The following DCDC1 variants were observed in gnomAD, a reference collection of about 807,000 sequenced individuals.
The protein encoded by DCDC1 is doublecortin domain-containing protein 1.
In DCDC1, 200 loss-of-function variants were observed where a neutral mutation model predicts 178.3. The ratio of observed to expected loss-of-function variants is 1.12; its 90% CI spans 1.00 to 1.26. DCDC1 has a LOEUF of 1.26. DCDC1 is among the 50% of genes most tolerant of loss of function. The pLI, the probability that DCDC1 is intolerant of heterozygous loss-of-function variation, is 0.00. For synonymous variants in DCDC1, 690 were observed against 604.8 expected, an observed-to-expected ratio of 1.14 and a Z score of -2.07; for missense variants, 1,983 against 1,749.2, an observed-to-expected ratio of 1.13 and a Z score of -2.38.
rs574647709 is a variant in DCDC1, at chr11:31,347,446, TG to T, written c.-124-11883del. Among the ~76,000 whole-genome samples the T allele has an allele frequency of 1.0e-3, 154 of 152,264 alleles. 1 individual carries two copies. The highest frequency in any genetic ancestry group is 3.4e-3 in the African/African-American group (142 of 41,564). On this transcript the variant is annotated intron_variant, in intron 1 of 38. Transcript: ENST00000684477. ...CATACTGTCAAGTAGAAAATTACCT[TG>T]ATGTAATGGTAGCCACCAAGTACAT... is the stretch of plus-strand genomic sequence containing the variant.
intron 17 of DCDC1, among the ~76,000 whole-genome samples, chr11:31,090,306 G>T (rs12288113): frequency 0.015 from 2,283 of 152,246 alleles, 47 homozygotes; most frequent in African/African-American, 0.052. Context: ...TGTCTGACTG[G>T]ACTTTAACTG....
intron 9 of DCDC1, among the ~76,000 whole-genome samples, chr11:31,201,521 T>A (rs545972137): frequency 6.6e-6 from 1 of 152,076 alleles, no homozygotes; most frequent in African/African-American, 2.4e-5. Flanking sequence ...GTACTCAGAA[T>A]AGCTTCTTAA....
At chr11:31,308,254 C>A (rs538846000) in intron 3 of DCDC1, among the ~76,000 whole-genome samples, 3 of 152,316 alleles carry the variant, frequency 2.0e-5, no homozygotes, top group Non-Finnish European at 2.9e-5. Flanking sequence ...AGGAAGCTTG[C>A]ATAATGTTTA....
chr11:30,962,419 TATG>T (rs1423722425), intron 20 of DCDC1, among the ~76,000 whole-genome samples: 1 of 152,062 alleles, frequency 6.6e-6, no homozygotes, highest in Non-Finnish European at 1.5e-5. Context: ...AATGCTATGC[TATG>T]ATAATAATCC....
chr11:30,925,379 G>A lies in DCDC1; in HGVS notation c.2927C>T (p.Ala976Val), dbSNP rs567761379. 19 of 1,613,634 alleles carry A rather than the reference G, an allele frequency of 1.2e-5. No individual in the cohort carries two copies. In the South Asian group the frequency reaches 2.0e-4, roughly 17 times the overall value. Residue 976 changes from alanine to valine, a missense_variant, in exon 23 of 39, where the codon GCA becomes GTA. Physicochemically the swap from Ala to Val is moderately conservative, Grantham distance 64 (BLOSUM62 0). Coordinates refer to ENST00000684477, the MANE Select transcript of DCDC1 (RefSeq NM_001387274.1). Reference protein sequence around the residue: ...QCTEILNLPSAARRLYNEKGK... With the variant: ...QCTEILNLPSVARRLYNEKGK... The stretch of plus-strand genomic sequence containing the variant: ...CTTTTCATTGTACAATCTCCGAGCT[G>A]CAGAAGGTAAATTTAAAATCTCAGT...
chr11:31,315,305 CCTTTTT>C (rs1949013018), intron 3 of DCDC1, among the ~76,000 whole-genome samples: 4 of 111,052 alleles, frequency 3.6e-5, no homozygotes, highest in South Asian at 3.1e-4. Context: ...ATTTGCATAC[CCTTTTT>C]TTTTTTTTTT....
At position 31,290,646 on chromosome 11, in the gene DCDC1, C is replaced by T; in HGVS notation, c.960+1G>A. ...TAGTTCAATATTTAATTAAAAATTA[C>T]CTTTTTCATTGTTTCTTTTCCCACT... On this transcript the variant is annotated splice_donor_variant, in intron 7 of 38. Coordinates refer to ENST00000684477, the MANE Select transcript of DCDC1 (RefSeq NM_001387274.1). LOFTEE classifies it high-confidence loss of function. The T allele has an allele frequency of 1.3e-6, 2 of 1,597,998 alleles. No homozygotes were observed. The highest frequency in any genetic ancestry group is 1.7e-6 in the Non-Finnish European group (2 of 1,175,504).
At chr11:30,989,848 G>T (rs934186203) in intron 20 of DCDC1, among the ~76,000 whole-genome samples, 1 of 152,066 alleles carries the variant, frequency 6.6e-6, no homozygotes, top group African/African-American at 2.4e-5. Flanking sequence ...GTAAAAAGTT[G>T]AACTAGAAAC....
At chr11:31,274,149 A>T (rs1945799419) in intron 7 of DCDC1, among the ~76,000 whole-genome samples, 1 of 152,158 alleles carries the variant, frequency 6.6e-6, no homozygotes. Flanking sequence ...TCTTCATAGG[A>T]TCATGCATAT....
At chr11:31,000,188 T>C (rs554727677) in intron 20 of DCDC1, among the ~76,000 whole-genome samples, 43 of 152,322 alleles carry the variant, frequency 2.8e-4, no homozygotes, top group African/African-American at 9.9e-4. Context: ...TTCTAACTTT[T>C]AGGTTAAATT....
intron 20 of DCDC1, among the ~76,000 whole-genome samples, chr11:31,035,155 A>G (rs1051697980): frequency 7.9e-5 from 12 of 152,216 alleles, no homozygotes; most frequent in Admixed American, 7.2e-4. Context: ...AGACTTACAG[A>G]AGACCTGTGA....
At chr11:31,285,865 C>T (rs1946783478) in intron 7 of DCDC1, among the ~76,000 whole-genome samples, 1 of 151,906 alleles carries the variant, frequency 6.6e-6, no homozygotes, top group East Asian at 2.0e-4. Flanking sequence ...CACATAACCA[C>T]TCTTTTTCTG....
intron 17 of DCDC1, among the ~76,000 whole-genome samples, chr11:31,083,367 C>A (rs1282613896): frequency 6.6e-6 from 1 of 152,180 alleles, no homozygotes; most frequent in East Asian, 1.9e-4. Flanking sequence ...GAAAAGAGGT[C>A]TCCTTTGGCA....
chr11:31,149,526 C>T (rs760562113), intron 9 of DCDC1, among the ~76,000 whole-genome samples: 21 of 152,192 alleles, frequency 1.4e-4, no homozygotes, highest in Non-Finnish European at 2.4e-4. Context: ...GCAGCAGCAA[C>T]CTGCTCGGGT....
chr11:30,917,257 A>C (rs1311183851), intron 25 of DCDC1, among the ~76,000 whole-genome samples: 1 of 152,192 alleles, frequency 6.6e-6, no homozygotes, highest in Non-Finnish European at 1.5e-5. Context: ...AACAGCATTC[A>C]TCTTTGTCAT....
intron 9 of DCDC1, chr11:31,215,209 C>G (rs1260459103): frequency 8.1e-6 from 2 of 246,474 alleles, no homozygotes; most frequent in East Asian, 1.6e-4. Flanking sequence ...GCAGGAGGAT[C>G]CCTTGAGCAC....
chr11:31,259,478 C>A (rs1944638227), intron 8 of DCDC1, among the ~76,000 whole-genome samples: 1 of 152,138 alleles, frequency 6.6e-6, no homozygotes, highest in South Asian at 2.1e-4. Context: ...ACATATATTT[C>A]ACTTAATCTT....
intron 9 of DCDC1, among the ~76,000 whole-genome samples, chr11:31,195,608 C>A (rs1025101587): frequency 3.3e-5 from 5 of 151,990 alleles, no homozygotes; most frequent in African/African-American, 1.2e-4. Flanking sequence ...GGTCTTATGA[C>A]CTAAATTAGG....
At position 31,109,284 on chromosome 11, in the gene DCDC1, A is replaced by AT. The variant is rs938003893; in HGVS notation, c.1587+975dup. The stretch of plus-strand genomic sequence containing the variant: ...AGGCACATGCCACCATGCCAGGCTA[A>AT]TTTTTTTTATTTTTTGTAGAGACAG... On this transcript the variant is annotated intron_variant, in intron 12 of 38. Transcript: ENST00000684477. 5.3e-5 allele frequency among the ~76,000 whole-genome samples: 8 copies of AT among 151,728 alleles called. No individual in the cohort carries two copies. The South Asian group carries it at 1.0e-3, about 20-fold the overall frequency.
Sources: gnomAD v4.1 joint callset for allele counts (sites outside exome capture counted in the v4.1 genomes callset) on GRCh38, gnomAD v4.1.1 for gene constraint, MANE v1.5 for transcripts, NCBI Gene and HGNC (gene_info 2026-07-23, HGNC 2026-07-21) for gene names.